The following SUPT16H variants were observed in gnomAD, a reference collection of about 807,000 sequenced individuals.
SUPT16H encodes FACT complex subunit SPT16.
A neutral mutation model predicts 136.2 loss-of-function variants in SUPT16H; 24 were observed. The observed-to-expected ratio is 0.18, with a 90% CI of 0.13 to 0.25. The LOEUF (loss-of-function observed/expected upper bound fraction) is 0.25. Among genes scored for constraint, SUPT16H ranks in the 10% least tolerant of loss-of-function variants. The pLI is 1.00. For missense variants in SUPT16H, 623 were observed against 1,270.2 expected (o/e 0.49, Z 7.74); for synonymous variants, 415 against 428.2 (o/e 0.97, Z 0.38).
At chr14:21,356,936 T>C (rs1594297822) in intron 22 of SUPT16H, among the ~76,000 whole-genome samples, 1 of 152,224 alleles carries the variant, frequency 6.6e-6, no homozygotes, top group South Asian at 2.1e-4. Context: ...GAGACCAGCC[T>C]GGGCAACACT....
chr14:21,382,483 A>G (rs1342073349), intron 1 of SUPT16H, among the ~76,000 whole-genome samples: 1 of 152,190 alleles, frequency 6.6e-6, no homozygotes, highest in Non-Finnish European at 1.5e-5. Context: ...GTTTTCATGA[A>G]TGGTATAGAG....
At chr14:21,370,801 C>G (rs1406755778) in intron 3 of SUPT16H, among the ~76,000 whole-genome samples, 4 of 149,900 alleles carry the variant, frequency 2.7e-5, no homozygotes, top group Non-Finnish European at 4.4e-5. Context: ...TTTTTTGAGA[C>G]AGACTTGCTC....
intron 1 of SUPT16H, among the ~76,000 whole-genome samples, chr14:21,381,848 T>C (rs1316491650): frequency 6.6e-6 from 1 of 150,472 alleles, no homozygotes; most frequent in East Asian, 2.0e-4. Flanking sequence ...CTTTAACTCC[T>C]GGCCTCATGT....
intron 7 of SUPT16H, 69 bp from the exon 8 acceptor site, chr14:21,366,598 C>A (rs79947883): frequency 4.4e-4 from 632 of 1,425,250 alleles, no homozygotes; most frequent in Non-Finnish European, 5.8e-4. Context: ...ATTTTAAAAT[C>A]AAAATTTATG....
intron 1 of SUPT16H, among the ~76,000 whole-genome samples, chr14:21,378,370 T>C (rs146713067): frequency 2.6e-5 from 4 of 152,218 alleles, no homozygotes; most frequent in African/African-American, 9.6e-5. Flanking sequence ...AAAAGGAAAG[T>C]TAATCATACT....
At chr14:21,383,762 G>A (rs1887103425) in intron 1 of SUPT16H, 100 bp downstream of exon 1, 6 of 1,395,226 alleles carry the variant, frequency 4.3e-6, no homozygotes, top group Middle Eastern at 3.6e-4. Context: ...CACAGAACCC[G>A]GGAATTCCTG....
intron 7 of SUPT16H, 120 bp from the exon 8 acceptor site, chr14:21,366,649 CCACT>C: frequency 1.4e-6 from 1 of 710,974 alleles, no homozygotes; most frequent in South Asian, 1.9e-5. Context: ...ACTAAACAGT[CCACT>C]CACTTTTTTT....
chr14:21,377,574 T>TC (rs1271962467), intron 1 of SUPT16H, among the ~76,000 whole-genome samples: 1 of 149,762 alleles, frequency 6.7e-6, no homozygotes, highest in African/African-American at 2.5e-5. Flanking sequence ...ATTCTATGCA[T>TC]CCTTTTTTTT....
chr14:21,369,714 T>A (rs1159299288), intron 5 of SUPT16H, 36 bp downstream of exon 5: 1 of 1,611,022 alleles, frequency 6.2e-7, no homozygotes, highest in East Asian at 2.2e-5. Flanking sequence ...TACTGCTTCA[T>A]TAAAACAGTA....
chr14:21,360,305 G>A, intron 18 of SUPT16H, 110 bp downstream of exon 18: 1 of 825,416 alleles, frequency 1.2e-6, no homozygotes, highest in African/African-American at 1.7e-5. Flanking sequence ...TGGGATTGTG[G>A]GCATGAGCCA....
At chr14:21,373,083 A>G (rs1886822189) in intron 2 of SUPT16H, among the ~76,000 whole-genome samples, 1 of 152,106 alleles carries the variant, frequency 6.6e-6, no homozygotes, top group African/African-American at 2.4e-5. Flanking sequence ...AGCTGGGACT[A>G]CAGGTGCACA....
At chr14:21,357,792 G>A in intron 21 of SUPT16H, 135 bp downstream of exon 21, 1 of 914,572 alleles carries the variant, frequency 1.1e-6, no homozygotes, top group Non-Finnish European at 1.6e-6. Context: ...GACTTTAAAA[G>A]TAACATTTGT....
intron 1 of SUPT16H, among the ~76,000 whole-genome samples, chr14:21,378,538 A>G (rs1886954544): frequency 6.6e-6 from 1 of 152,206 alleles, no homozygotes; most frequent in African/African-American, 2.4e-5. Context: ...GGTGGTGGGT[A>G]TAAAGGGTTT....
At chr14:21,358,140 A>C in intron 20 of SUPT16H, 138 bp from the exon 21 acceptor site, 1 of 856,068 alleles carries the variant, frequency 1.2e-6, no homozygotes, top group South Asian at 1.7e-5. Context: ...AAGCCTCTTA[A>C]GAGTTAGCCA....
chr14:21,354,316 C>G, intron 23 of SUPT16H, 95 bp downstream of exon 23: 2 of 1,448,838 alleles, frequency 1.4e-6, no homozygotes, highest in African/African-American at 1.4e-5. Flanking sequence ...TCCCAGATGG[C>G]CTAGTCCCTT....
chr14:21,370,556 A>G (rs1886764019), intron 3 of SUPT16H, 68 bp from the exon 4 acceptor site: 1 of 1,518,142 alleles, frequency 6.6e-7, no homozygotes, highest in East Asian at 2.3e-5. Flanking sequence ...TTTACCAGTA[A>G]CAGGTAGAAT....
At chr14:21,366,218 G>A (rs917945468) in intron 8 of SUPT16H, among the ~76,000 whole-genome samples, 4 of 152,112 alleles carry the variant, frequency 2.6e-5, no homozygotes, top group African/African-American at 9.7e-5. Flanking sequence ...AAAACCTATG[G>A]GCTGGAACAC....
At chr14:21,358,744 G>T (rs111724186) in intron 19 of SUPT16H, among the ~76,000 whole-genome samples, 1 of 152,164 alleles carries the variant, frequency 6.6e-6, no homozygotes, top group African/African-American at 2.4e-5. Context: ...CTAAACTCTT[G>T]TAATACCCTA....
In SUPT16H at chr14:21,360,826, A is replaced by G. The variant is rs749183011; in HGVS notation, c.2056+20T>C. On this transcript the variant is annotated intron_variant, in intron 17 of 25. Coordinates refer to ENST00000216297, the MANE Select transcript of SUPT16H (RefSeq NM_007192.4). Reference sequence around the variant, plus strand: ...TGTGCCCTGAAGAGAAAGCCTAGGTACAGGAGAGATCATCCATACCATTGA... The same window carrying G: ...TGTGCCCTGAAGAGAAAGCCTAGGTGCAGGAGAGATCATCCATACCATTGA... The G allele has an allele frequency of 2.5e-6, 4 of 1,610,826 alleles. No individual in the cohort carries two copies. Among genetic ancestry groups the G allele is most frequent in the Non-Finnish European group, 3.4e-6 (4 of 1,178,880 alleles).
Sources: allele counts gnomAD v4.1 joint callset (sites outside exome capture counted in the v4.1 genomes callset), GRCh38; gene constraint gnomAD v4.1.1; transcripts MANE v1.5; gene names NCBI Gene and HGNC (gene_info 2026-07-23, HGNC 2026-07-21).